URI1: variants seen among roughly 807,000 people sequenced by gnomAD.
URI1 encodes the protein URI1 prefoldin like chaperone.
In URI1, 39 loss-of-function variants were observed where a neutral mutation model predicts 60.2. The ratio of observed to expected loss-of-function variants is 0.65; its 90% confidence interval spans 0.50 to 0.85. The LOEUF (loss-of-function observed/expected upper bound fraction) is 0.85. URI1 is among the 40% of genes least tolerant of loss of function. The pLI, the probability that URI1 is intolerant of heterozygous loss-of-function variation, is 0.00. For missense variants in URI1, 691 were observed against 665.9 expected (o/e 1.04, Z -0.42); for synonymous variants, 251 against 236.8 (o/e 1.06, Z -0.55).
rs114158011 is a variant in URI1 at position 30,012,847 on chromosome 19, G to A, written c.1425+316G>A. 2.4e-3 allele frequency: 531 copies of A among 223,806 alleles called. 5 individuals carry two copies. Among genetic ancestry groups the A allele is most frequent in the African/African-American group, 0.012 (514 of 42,958 alleles). The allele number at this position is 223,806 out of a possible 1,614,324, so 13.9% of individuals were successfully genotyped here. A position where few individuals can be genotyped will look rare whatever the true frequency, so the allele number is the denominator to read the frequency against. On this transcript the variant is annotated intron_variant, in intron 10 of 10. Coordinates refer to ENST00000392271, the MANE Select transcript of URI1 (RefSeq NM_003796.3). ...TTTATTTTAAATAAATTACCAGTAG[G>A]TCATTTTCTGATAGTGTAAGGAGCA...
At position 30,016,403 on chromosome 19, in the gene URI1, A is replaced by T. The variant is rs1046622492; in HGVS notation, c.*1334A>T. ...CAACTATGCATATATTTTGTAGGTA[A>T]ATCTTTCAGTCCATGCCCCAACCCT... is the stretch of plus-strand genomic sequence containing the variant. On this transcript the variant is annotated 3_prime_UTR_variant, in exon 11 of 11. Coordinates refer to ENST00000392271, the MANE Select transcript of URI1 (RefSeq NM_003796.3). 4 of 152,116 alleles carry T rather than the reference A, an allele frequency of 2.6e-5. No homozygotes were observed. Among genetic ancestry groups the T allele is most frequent in the Non-Finnish European group, 5.9e-5 (4 of 67,964 alleles). The allele number at this position is 152,116 out of a possible 1,614,324, so 9.4% of individuals were successfully genotyped here.
At chr19:29,948,199 G>A (rs1474740346) in intron 1 of URI1, among the ~76,000 whole-genome samples, 1 of 152,182 alleles carries the variant, frequency 6.6e-6, no homozygotes, top group Non-Finnish European at 1.5e-5. Context: ...TGGTGGTGTA[G>A]TTTTAGTTGT....
At chr19:29,939,614 A>G (rs1245570330), upstream of URI1, among the ~76,000 whole-genome samples, 1 of 152,156 alleles carries the variant, frequency 6.6e-6, no homozygotes, top group Non-Finnish European at 1.5e-5. Context: ...CTACAAAGAA[A>G]ATTTAAAAAG....
At chr19:29,998,753 CAATT>C (rs890843502) in intron 4 of URI1, among the ~76,000 whole-genome samples, 1 of 151,972 alleles carries the variant, frequency 6.6e-6, no homozygotes, top group African/African-American at 2.4e-5. Flanking sequence ...TTTTTTAAAA[CAATT>C]GATTCTGCCA....
intron 8 of URI1, among the ~76,000 whole-genome samples, chr19:30,010,849 C>T (rs1426250473): frequency 6.6e-6 from 1 of 152,032 alleles, no homozygotes; most frequent in Non-Finnish European, 1.5e-5. Context: ...ATTTTGCTTT[C>T]TCTACAATAA....
At chr19:30,011,275 T>G in intron 9 of URI1, 39 bp downstream of exon 9, 1 of 1,551,024 alleles carries the variant, frequency 6.4e-7, no homozygotes, top group South Asian at 1.2e-5. Flanking sequence ...TCTGCTGGGC[T>G]TGCCTCTCTT....
intron 1 of URI1, among the ~76,000 whole-genome samples, chr19:29,968,177 A>G (rs1568422065): frequency 6.6e-6 from 1 of 152,218 alleles, no homozygotes; most frequent in Admixed American, 6.5e-5. Flanking sequence ...TAGTTCAGGT[A>G]TTTTAAAGTT....
At chr19:29,926,218 T>G (rs2054864307) in intron 1 of URI1, among the ~76,000 whole-genome samples, 1 of 151,292 alleles carries the variant, frequency 6.6e-6, no homozygotes. Context: ...AAAAATCTTC[T>G]CTCTTTCTTC....
intron 1 of URI1, among the ~76,000 whole-genome samples, chr19:29,951,254 G>A (rs2055176271): frequency 1.3e-5 from 2 of 152,286 alleles, no homozygotes; most frequent in South Asian, 4.1e-4. Context: ...CCTTTAAATG[G>A]TATAGTACTT....
rs898601346 is a variant in URI1 at position 30,007,726 on chromosome 19, G to A, written c.686+88G>A. The stretch of plus-strand genomic sequence containing the variant: ...TTTTTCTTCATTAATAAAATAATAT[G>A]TGTTCATTGAAGAAAATGCAGGGAA... On this transcript the variant is annotated intron_variant, in intron 7 of 10. Transcript: ENST00000392271. 11 of 1,203,032 alleles carry A rather than the reference G, an allele frequency of 9.1e-6. No individual in the cohort carries two copies. In the African/African-American group the frequency reaches 1.7e-4, roughly 19 times the overall value. 74.5% of individuals were successfully genotyped at this position (1,203,032 alleles called of 1,614,324 possible). A position where few individuals can be genotyped will look rare whatever the true frequency, so the allele number is the denominator to read the frequency against.
intron 2 of URI1, among the ~76,000 whole-genome samples, chr19:29,983,000 C>T (rs936385694): frequency 6.6e-6 from 1 of 152,160 alleles, no homozygotes; most frequent in African/African-American, 2.4e-5. Context: ...TCTGGTCTGA[C>T]TTCAAAGCCA....
chr19:29,928,273 A>G (rs1377163222), intron 1 of URI1, among the ~76,000 whole-genome samples: 5 of 152,116 alleles, frequency 3.3e-5, no homozygotes, highest in Non-Finnish European at 5.9e-5. Context: ...GTTTCGAGGA[A>G]TCACTAGAGA....
At chr19:30,012,832 A>C (rs1000867537) in intron 10 of URI1, 3 of 242,260 alleles carry the variant, frequency 1.2e-5, no homozygotes, top group African/African-American at 4.6e-5. Flanking sequence ...TTTATTTTAA[A>C]TAAATTACCA....
intron 1 of URI1, among the ~76,000 whole-genome samples, chr19:29,967,576 C>T (rs770467272): frequency 6.6e-5 from 10 of 152,194 alleles, no homozygotes; most frequent in Non-Finnish European, 1.3e-4. Context: ...CTTTTACTGA[C>T]ATGATTGGCA....
intron 10 of URI1, among the ~76,000 whole-genome samples, chr19:30,013,986 G>T (rs2056055000): frequency 6.6e-6 from 1 of 151,008 alleles, no homozygotes; most frequent in Non-Finnish European, 1.5e-5. Flanking sequence ...GCACTTGGTA[G>T]ACAGAGGAGA....
rs1292457143 is a variant in URI1 at position 29,977,780 on chromosome 19, CGT to C, written c.152+6558_152+6559del. Among the ~76,000 whole-genome samples the C allele has an allele frequency of 2.7e-5, 4 of 150,830 alleles. No homozygotes were observed. The East Asian group carries it at 7.7e-4, about 29-fold the overall frequency. On this transcript the variant is annotated intron_variant, in intron 2 of 10. Coordinates refer to ENST00000392271, the MANE Select transcript of URI1 (RefSeq NM_003796.3). Reference sequence around the variant, plus strand: ...CTAGTGATTAAGTGAGTTTGGAACTCGTGTGTAATGTTTCAAAGCAAATTAAG... The same window carrying C: ...CTAGTGATTAAGTGAGTTTGGAACTCGTGTAATGTTTCAAAGCAAATTAAG...
At chr19:29,970,997 C>T in intron 1 of URI1, 196 bp from the exon 2 acceptor site, 2 of 567,090 alleles carry the variant, frequency 3.5e-6, no homozygotes, top group Non-Finnish European at 6.3e-6. Context: ...CAGTTATCAG[C>T]CTGCATTAGA....
intron 1 of URI1, among the ~76,000 whole-genome samples, chr19:29,934,045 C>T (rs2054946922): frequency 6.7e-6 from 1 of 148,908 alleles, no homozygotes. Context: ...CAGTGATTCT[C>T]CTGCCTCAGC....
At chr19:29,978,737 G>A (rs2055556487) in intron 2 of URI1, among the ~76,000 whole-genome samples, 1 of 152,124 alleles carries the variant, frequency 6.6e-6, no homozygotes, top group South Asian at 2.1e-4. Context: ...AAAAATGGAG[G>A]CATGCCTATA....
Sources: allele counts gnomAD v4.1 joint callset (sites outside exome capture counted in the v4.1 genomes callset), GRCh38; gene constraint gnomAD v4.1.1; transcripts MANE v1.5; gene names NCBI Gene and HGNC (gene_info 2026-07-23, HGNC 2026-07-21).